The following SSU72 variants were observed in gnomAD, a reference collection of about 807,000 sequenced individuals.
SSU72 encodes SSU72 homolog, RNA polymerase II CTD phosphatase.
A neutral mutation model predicts 22.7 loss-of-function variants in SSU72; 12 were observed. The ratio of observed to expected loss-of-function variants is 0.53; its 90% CI spans 0.34 to 0.86. SSU72 has a LOEUF of 0.86. Among genes scored for constraint, SSU72 ranks in the 40% least tolerant of loss-of-function variants. The pLI is 0.02. For synonymous variants in SSU72, 116 were observed against 98.3 expected (o/e 1.18, Z -1.06); for missense variants, 151 against 249.8 (o/e 0.60, Z 2.67).
chr1:1,572,496 G>A (rs1642743523), intron 1 of SSU72, among the ~76,000 whole-genome samples: 1 of 149,942 alleles, frequency 6.7e-6, no homozygotes, highest in African/African-American at 2.5e-5. Context: ...TTGCTCTGTC[G>A]CCCAGGCTGG....
intron 2 of SSU72, among the ~76,000 whole-genome samples, chr1:1,547,131 G>C (rs1287616889): frequency 2.0e-5 from 3 of 152,134 alleles, no homozygotes; most frequent in Non-Finnish European, 2.9e-5. Flanking sequence ...AGAGGAACCG[G>C]GGTCAGGGTG....
chr1:1,554,947 T>C lies in SSU72; in HGVS notation c.224+9826A>G, dbSNP rs574961619. 6.6e-5 allele frequency among the ~76,000 whole-genome samples: 10 copies of C among 152,184 alleles called. No homozygotes were observed. The highest frequency in any genetic ancestry group is 5.9e-4 in the Admixed American group (9 of 15,286). ...CTTGACGTCAAGTCTCCTGAAGGTGTTGATGCTCCGTGGAAGCCTTGGTCC... is the reference window on the plus strand; with the variant it reads ...CTTGACGTCAAGTCTCCTGAAGGTGCTGATGCTCCGTGGAAGCCTTGGTCC... On this transcript the variant is annotated intron_variant, in intron 2 of 4. Coordinates refer to ENST00000291386, the MANE Select transcript of SSU72 (RefSeq NM_014188.3). The surrounding 1 kb of genome is among the most constrained non-coding windows in gnomAD (Gnocchi z 4.1).
At chr1:1,569,919 T>G (rs1642708204) in intron 1 of SSU72, among the ~76,000 whole-genome samples, 1 of 152,182 alleles carries the variant, frequency 6.6e-6, no homozygotes, top group African/African-American at 2.4e-5. Flanking sequence ...TATGTAGCCC[T>G]ACCCAACTGC....
chr1:1,559,582 C>T (rs1642560448), intron 2 of SSU72, among the ~76,000 whole-genome samples: 1 of 152,184 alleles, frequency 6.6e-6, no homozygotes, highest in Non-Finnish European at 1.5e-5. Context: ...GGTATATACA[C>T]TACTACTATT....
intron 2 of SSU72, among the ~76,000 whole-genome samples, chr1:1,548,485 C>T (rs910702218): frequency 4.1e-5 from 6 of 146,124 alleles, no homozygotes; most frequent in South Asian, 2.3e-4. Flanking sequence ...AGCCAGGAGG[C>T]GGAGGCTGCA....
At chr1:1,570,809 T>C (rs964596339) in intron 1 of SSU72, among the ~76,000 whole-genome samples, 2 of 152,140 alleles carry the variant, frequency 1.3e-5, no homozygotes, top group Non-Finnish European at 2.9e-5. Flanking sequence ...TTTTCTACAG[T>C]AAGAATTTCT....
intron 1 of SSU72, among the ~76,000 whole-genome samples, chr1:1,573,901 G>C (rs1269864149): frequency 2.0e-5 from 3 of 151,966 alleles, no homozygotes; most frequent in Non-Finnish European, 4.4e-5. Flanking sequence ...CATACGCTAC[G>C]CAAGAGTCAC....
At chr1:1,573,429 C>CAAAA (rs56930035) in intron 1 of SSU72, among the ~76,000 whole-genome samples, 47 of 107,330 alleles carry the variant, frequency 4.4e-4, no homozygotes, top group Non-Finnish European at 9.8e-4. Flanking sequence ...GACTCTGTCT[C>CAAAA]AAAAAAAAAA....
intron 2 of SSU72, among the ~76,000 whole-genome samples, chr1:1,552,597 T>C (rs569971119): frequency 5.0e-4 from 76 of 152,344 alleles, no homozygotes; most frequent in African/African-American, 1.8e-3. Flanking sequence ...CTGCTCTCCA[T>C]GGCCCTCAGG....
In SSU72 at chr1:1,543,534, C is replaced by T. The variant is rs116182348; in HGVS notation, c.483+335G>A. Reference sequence around the variant, plus strand: ...TCACTGAACTACCAGCAGGCGCCCCCGACACAGGCGAGCTGAGCAGACCTT... The same window carrying T: ...TCACTGAACTACCAGCAGGCGCCCCTGACACAGGCGAGCTGAGCAGACCTT... On this transcript the variant is annotated intron_variant, in intron 4 of 4. Coordinates refer to ENST00000291386, the MANE Select transcript of SSU72 (RefSeq NM_014188.3). Among the ~76,000 whole-genome samples, 179 of 152,250 alleles carry T rather than the reference C, an allele frequency of 1.2e-3. 1 individual carries two copies. Among genetic ancestry groups the T allele is most frequent in the African/African-American group, 3.8e-3 (158 of 41,494 alleles).
At chr1:1,545,037 G>C in intron 2 of SSU72, 35 bp from the exon 3 acceptor site, 2 of 1,604,740 alleles carry the variant, frequency 1.2e-6, no homozygotes, top group Admixed American at 1.7e-5. Context: ...CAGAGAAAAG[G>C]CATCTGTGTA....
chr1:1,564,877 AGT>A lies in SSU72; in HGVS notation c.118_119del (p.Thr40SerfsTer16). ...GAGCTGGTCCTGGAAGCTTCACGTG[AGT>A]CCCTGTTCCAAAGGATCGGACGCTG... Reference protein sequence around the residue: ...GFSVRSFGTGTHVKLPGPAPD... With the variant: ...GFSVRSFGTGXHVKLPGPAPD... On this transcript the variant is annotated frameshift_variant, in exon 2 of 5. Transcript: ENST00000291386. LOFTEE classifies it high-confidence loss of function. The A allele has an allele frequency of 6.2e-7, 1 of 1,613,764 alleles. No individual in the cohort carries two copies. The highest frequency in any genetic ancestry group is 8.5e-7 in the Non-Finnish European group (1 of 1,179,840).
chr1:1,570,576 C>T (rs993194161), intron 1 of SSU72, among the ~76,000 whole-genome samples: 1 of 151,446 alleles, frequency 6.6e-6, no homozygotes. Flanking sequence ...GGACCCCCCC[C>T]ACCCCAAAAT....
intron 1 of SSU72, among the ~76,000 whole-genome samples, chr1:1,569,041 G>C (rs1365129127): frequency 6.6e-6 from 1 of 152,076 alleles, no homozygotes; most frequent in African/African-American, 2.4e-5. Context: ...GGACATGGTG[G>C]TGCATGTCTG....
intron 4 of SSU72, among the ~76,000 whole-genome samples, chr1:1,543,363 G>A (rs995079133): frequency 2.0e-5 from 3 of 152,226 alleles, no homozygotes; most frequent in South Asian, 2.1e-4. Context: ...TGTCCGCCAC[G>A]GGGAAGAGAC....
At chr1:1,561,542 ACAG>A (rs1245101638) in intron 2 of SSU72, 1 of 152,168 alleles carries the variant, frequency 6.6e-6, no homozygotes, top group Admixed American at 6.6e-5. Context: ...CTCACTTGTA[ACAG>A]TCACTTCCCG....
chr1:1,554,186 G>A lies in SSU72; in HGVS notation c.225-9184C>T, dbSNP rs1026542651. Among the ~76,000 whole-genome samples, 1 of 152,132 alleles carries A rather than the reference G, an allele frequency of 6.6e-6. No individual in the cohort carries two copies. Among genetic ancestry groups the A allele is most frequent in the Non-Finnish European group, 1.5e-5 (1 of 68,022 alleles). On this transcript the variant is annotated intron_variant, in intron 2 of 4. Transcript: ENST00000291386. This position sits in a 1 kb window ranked among gnomAD's most constrained non-coding sequence, Gnocchi z 4.1. ...ATCCGGACCACTAAGGGGTCCCCAC[G>A]AAGCTGAGCACGAGGCGGATCCGGA...
At chr1:1,553,506 C>G (rs950235589) in intron 2 of SSU72, among the ~76,000 whole-genome samples, 1 of 151,118 alleles carries the variant, frequency 6.6e-6, no homozygotes, top group Admixed American at 6.6e-5. Context: ...CCAGGCGCAG[C>G]GGCTCATGCC....
At chr1:1,561,091 TTTTA>T (rs1378626893) in intron 2 of SSU72, 1 of 150,800 alleles carries the variant, frequency 6.6e-6, no homozygotes, top group Non-Finnish European at 1.5e-5. Flanking sequence ...GTCCTTCCTT[TTTTA>T]TTTTTTTGAG....
Sources: allele counts gnomAD v4.1 joint callset (sites outside exome capture counted in the v4.1 genomes callset), GRCh38; gene constraint gnomAD v4.1.1; non-coding constraint Gnocchi (gnomAD v3.1); transcripts MANE v1.5; gene names NCBI Gene and HGNC (gene_info 2026-07-23, HGNC 2026-07-21).